Variants in ERG observed in about 807,000 individuals in gnomAD.
ERG encodes ETS transcription factor ERG, also known as transcriptional regulator ERG.
In ERG, 9 loss-of-function variants were observed where a neutral mutation model predicts 55.3. That is an observed-to-expected ratio of 0.16 (90% CI 0.10 to 0.28). ERG has a LOEUF of 0.28. ERG is among the 10% of genes least tolerant of loss of function. The pLI is 1.00. For synonymous variants in ERG, 223 were observed against 237.3 expected, an observed-to-expected ratio of 0.94 and a Z score of 0.55; for missense variants, 434 against 631.6, an observed-to-expected ratio of 0.69 and a Z score of 3.35.
intron 1 of ERG, among the ~76,000 whole-genome samples, chr21:38,454,877 G>A (rs1253339225): frequency 6.6e-6 from 1 of 152,146 alleles, no homozygotes; most frequent in Non-Finnish European, 1.5e-5. Flanking sequence ...TCAAGAGCAC[G>A]TCTGTCACTT....
intron 1 of ERG, among the ~76,000 whole-genome samples, chr21:38,454,111 A>G (rs2058966444): frequency 6.6e-6 from 1 of 152,144 alleles, no homozygotes; most frequent in Non-Finnish European, 1.5e-5. Context: ...AATCACTGTT[A>G]TACGTTACTC....
At chr21:38,367,294 C>T in the ERG span, among the ~76,000 whole-genome samples, 2 of 152,216 alleles carry the variant, frequency 1.3e-5, no homozygotes, top group Admixed American at 6.5e-5. Flanking sequence ...TAACAAATTT[C>T]TCCATAAACA....
At position 38,583,296 on chromosome 21, in the gene ERG, T is replaced by C. The variant is rs59701282; in HGVS notation, c.-127+1548A>G. On this transcript the variant is annotated intron_variant, in intron 1 of 8. Transcript: ENST00000398897. Reference sequence around the variant, plus strand: ...AGGAAGAAGGAGGCAGGGAGAAACATAGGGCCCATGATTTAAGGAGGCTCT... The same window carrying C: ...AGGAAGAAGGAGGCAGGGAGAAACACAGGGCCCATGATTTAAGGAGGCTCT... Among the ~76,000 whole-genome samples, 1,359 of 152,184 alleles carry C rather than the reference T, an allele frequency of 8.9e-3. 16 individuals are homozygous for C. Among genetic ancestry groups the C allele is most frequent in the African/African-American group, 0.031 (1,293 of 41,496 alleles).
intron 2 of ERG, among the ~76,000 whole-genome samples, chr21:38,510,580 G>A (rs1191363864): frequency 3.3e-5 from 5 of 152,136 alleles, no homozygotes; most frequent in Non-Finnish European, 5.9e-5. Flanking sequence ...TTAAAAGAGT[G>A]GAACGACACT....
chr21:38,583,478 T>C (rs1160245918), intron 1 of ERG, among the ~76,000 whole-genome samples: 1 of 111,638 alleles, frequency 9.0e-6, no homozygotes, highest in Non-Finnish European at 2.3e-5. Flanking sequence ...CATGAGAAAC[T>C]GAATGCATCT....
At chr21:38,451,316 TAC>T in intron 1 of ERG, 1 of 438,876 alleles carries the variant, frequency 2.3e-6, no homozygotes, top group East Asian at 6.9e-5. Flanking sequence ...GGGCCCTGCA[TAC>T]AGTTAATCAT....
In ERG at chr21:38,400,408, T is replaced by C. The variant is rs193156796; in HGVS notation, c.745+166A>G. On this transcript the variant is annotated intron_variant, in intron 6 of 9. Transcript: ENST00000288319. ...TAGTGTGGTCTTTGAATGAAATGGTTTGAGTGGATTTAGTCTCCAAATCAA... is the reference window on the plus strand; with the variant it reads ...TAGTGTGGTCTTTGAATGAAATGGTCTGAGTGGATTTAGTCTCCAAATCAA... The C allele has an allele frequency of 1.2e-5, 9 of 742,990 alleles. No individual in the cohort carries two copies. The Admixed American group carries it at 1.5e-4, about 12-fold the overall frequency. The allele number at this position is 742,990 out of a possible 1,614,324, so 46.0% of individuals were successfully genotyped here. A position where few individuals can be genotyped will look rare whatever the true frequency, so the allele number is the denominator to read the frequency against.
intron 5 of ERG, among the ~76,000 whole-genome samples, chr21:38,400,868 A>C (rs1215755718): frequency 6.6e-6 from 1 of 152,092 alleles, no homozygotes; most frequent in Non-Finnish European, 1.5e-5. Context: ...TTTGCTATAA[A>C]GCGTTTTGTG....
chr21:38,494,872 C>T (rs1196713778), intron 1 of ERG, among the ~76,000 whole-genome samples: 2 of 152,350 alleles, frequency 1.3e-5, no homozygotes, highest in Non-Finnish European at 2.9e-5. Flanking sequence ...CCACAGAGGG[C>T]AGCCTGGATC....
intron 1 of ERG, among the ~76,000 whole-genome samples, chr21:38,494,984 C>A (rs1473011292): frequency 2.0e-5 from 3 of 152,254 alleles, no homozygotes; most frequent in Non-Finnish European, 2.9e-5. Context: ...TCTGAAATGA[C>A]TTATGCACAG....
At chr21:38,496,175 T>C (rs1282125637) in intron 1 of ERG, among the ~76,000 whole-genome samples, 3 of 152,344 alleles carry the variant, frequency 2.0e-5, no homozygotes, top group Admixed American at 6.5e-5. Context: ...TAGTGTCTCA[T>C]AGGGTCTTAC....
intron 1 of ERG, among the ~76,000 whole-genome samples, chr21:38,628,818 C>A (rs2060340212): frequency 6.6e-6 from 1 of 152,222 alleles, no homozygotes; most frequent in East Asian, 1.9e-4. Context: ...AATCTTCACA[C>A]CATTTCTCAT....
At chr21:38,611,751 TG>T (rs1300632175) in intron 1 of ERG, among the ~76,000 whole-genome samples, 1 of 152,136 alleles carries the variant, frequency 6.6e-6, no homozygotes, top group African/African-American at 2.4e-5. Flanking sequence ...TGCCTGAGGA[TG>T]GGGACATTCA....
intron 3 of ERG, among the ~76,000 whole-genome samples, chr21:38,408,638 T>C (rs1988890784): frequency 6.6e-6 from 1 of 152,178 alleles, no homozygotes; most frequent in South Asian, 2.1e-4. Flanking sequence ...GGTCCTAACC[T>C]TTTAACTCCA....
chr21:38,405,410 A>ATGAGTC (rs1988718145), intron 3 of ERG, among the ~76,000 whole-genome samples: 1 of 152,146 alleles, frequency 6.6e-6, no homozygotes, highest in African/African-American at 2.4e-5. Context: ...ATACGCGTGA[A>ATGAGTC]TGAGTCCGCA....
chr21:38,423,344 T>C lies in ERG; in HGVS notation c.388+66A>G. Reference sequence around the variant, plus strand: ...CCACAGGTGGGGGAGAAGAGCTCCCTGAGGCTCAGCCTAGCCTTGGGGAAG... The same window carrying C: ...CCACAGGTGGGGGAGAAGAGCTCCCCGAGGCTCAGCCTAGCCTTGGGGAAG... On this transcript the variant is annotated intron_variant, in intron 3 of 9. Transcript: ENST00000288319. The C allele has an allele frequency of 3.3e-6, 5 of 1,528,234 alleles. No individual in the cohort carries two copies. In the South Asian group the frequency reaches 5.0e-5, roughly 15 times the overall value. 94.7% of individuals were successfully genotyped at this position (1,528,234 alleles called of 1,614,324 possible).
intron 1 of ERG, among the ~76,000 whole-genome samples, chr21:38,457,297 G>A (rs1350612674): frequency 3.3e-5 from 5 of 152,082 alleles, no homozygotes; most frequent in African/African-American, 9.7e-5. Context: ...TTAGCTGGGC[G>A]TGGTGGCACA....
intron 1 of ERG, among the ~76,000 whole-genome samples, chr21:38,477,926 T>A (rs1175753485): frequency 1.3e-5 from 2 of 152,220 alleles, no homozygotes; most frequent in Non-Finnish European, 2.9e-5. Context: ...CAAATTTATC[T>A]CCCCAAGGTT....
At chr21:38,407,850 T>C (rs976148705) in intron 3 of ERG, among the ~76,000 whole-genome samples, 5 of 147,476 alleles carry the variant, frequency 3.4e-5, no homozygotes, top group Non-Finnish European at 4.5e-5. Context: ...TAAAATACTT[T>C]ATAAAAATAT....
Sources: allele counts gnomAD v4.1 joint callset (sites outside exome capture counted in the v4.1 genomes callset), GRCh38; gene constraint gnomAD v4.1.1; transcripts MANE v1.5; gene names NCBI Gene and HGNC (gene_info 2026-07-23, HGNC 2026-07-21).